Variants in NALF1 observed in about 807,000 individuals in gnomAD.
The protein encoded by NALF1 is NALCN channel auxiliary factor 1.
NALF1 carries 3 observed loss-of-function variants against 48.4 expected under a neutral mutation model. The observed-to-expected ratio is 0.06, with a 90% CI of 0.03 to 0.16. The LOEUF (loss-of-function observed/expected upper bound fraction) is 0.16. Ranked by LOEUF, NALF1 falls within the 10% of genes least tolerant of loss-of-function variation. NALF1 has a pLI of 1.00. For synonymous variants in NALF1, 262 were observed against 245.7 expected (o/e 1.07, Z -0.62); for missense variants, 526 against 571.5 (o/e 0.92, Z 0.81).
chr13:107,502,478 G>C (rs943533684), intron 1 of NALF1, among the ~76,000 whole-genome samples: 5 of 152,176 alleles, frequency 3.3e-5, no homozygotes, highest in Non-Finnish European at 5.9e-5. Flanking sequence ...AAACAAGTGA[G>C]AGCTATGATG....
intron 1 of NALF1, among the ~76,000 whole-genome samples, chr13:107,765,491 A>G (rs370970665): frequency 6.6e-6 from 1 of 152,216 alleles, no homozygotes; most frequent in East Asian, 1.9e-4. Context: ...TCACGATATT[A>G]TATAGCTCAG....
chr13:107,808,142 C>T (rs1476922820), intron 1 of NALF1, among the ~76,000 whole-genome samples: 7 of 151,976 alleles, frequency 4.6e-5, no homozygotes, highest in African/African-American at 1.7e-4. Flanking sequence ...CAGGCAGTTG[C>T]GGGGCCGATG....
chr13:107,827,756 C>T (rs182308428), intron 1 of NALF1, among the ~76,000 whole-genome samples: 388 of 152,228 alleles, frequency 2.5e-3, no homozygotes, highest in Non-Finnish European at 4.3e-3. Flanking sequence ...GCTTTATTTT[C>T]CACCTAAAAA....
intron 1 of NALF1, among the ~76,000 whole-genome samples, chr13:107,308,161 T>G (rs2138900495): frequency 6.6e-6 from 1 of 151,200 alleles, no homozygotes; most frequent in Non-Finnish European, 1.5e-5. Context: ...GAAATCTCAT[T>G]AAATTTCTGT....
intron 1 of NALF1, among the ~76,000 whole-genome samples, chr13:107,571,025 G>A (rs1877972708): frequency 6.6e-6 from 1 of 152,020 alleles, no homozygotes; most frequent in Non-Finnish European, 1.5e-5. Flanking sequence ...GAAATAGATG[G>A]GAAAACATTA....
At chr13:107,661,608 A>G (rs1200460588) in intron 1 of NALF1, among the ~76,000 whole-genome samples, 4 of 152,182 alleles carry the variant, frequency 2.6e-5, no homozygotes, top group African/African-American at 9.6e-5. Flanking sequence ...GACATGCCAC[A>G]TAACCTGAGG....
At chr13:107,375,120 G>T (rs1397104559) in intron 1 of NALF1, among the ~76,000 whole-genome samples, 1 of 152,090 alleles carries the variant, frequency 6.6e-6, no homozygotes, top group Admixed American at 6.6e-5. Flanking sequence ...AATAGGATAA[G>T]TATAACACAT....
chr13:107,219,078 G>A (rs535390880), intron 1 of NALF1, among the ~76,000 whole-genome samples: 23 of 152,332 alleles, frequency 1.5e-4, no homozygotes, highest in Middle Eastern at 6.8e-3. Flanking sequence ...TCATGTTAGT[G>A]ACGAAGATGG....
At chr13:107,859,297 C>A (rs1257183975) in intron 1 of NALF1, among the ~76,000 whole-genome samples, 1 of 152,156 alleles carries the variant, frequency 6.6e-6, no homozygotes, top group East Asian at 1.9e-4. Flanking sequence ...ATTGCATTCA[C>A]CCACCACACA....
At chr13:107,435,029 A>G (rs950681092) in intron 1 of NALF1, among the ~76,000 whole-genome samples, 4 of 152,126 alleles carry the variant, frequency 2.6e-5, no homozygotes, top group Admixed American at 2.6e-4. Context: ...AGGTATGTTT[A>G]AAAGATGCTT....
At chr13:107,824,748 C>T (rs1290893410) in intron 1 of NALF1, among the ~76,000 whole-genome samples, 1 of 152,220 alleles carries the variant, frequency 6.6e-6, no homozygotes, top group African/African-American at 2.4e-5. Flanking sequence ...GCAAGTGCAG[C>T]TTGTTTTTGA....
At position 107,424,060 on chromosome 13, in the gene NALF1, C is replaced by T. The variant is rs190886918; in HGVS notation, c.916-213305G>A. On this transcript the variant is annotated intron_variant, in intron 1 of 2. Transcript: ENST00000375915. ...CTACCGGGATGTTTGCTAAGTGTGA[C>T]TTTCTATTTCAATAATTTCTCCTGT... Among the ~76,000 whole-genome samples, 4 of 151,868 alleles carry T rather than the reference C, an allele frequency of 2.6e-5. No homozygotes were observed. In the East Asian group the frequency reaches 7.7e-4, roughly 29 times the overall value.
intron 1 of NALF1, among the ~76,000 whole-genome samples, chr13:107,800,447 T>C (rs558686105): frequency 2.0e-5 from 3 of 151,640 alleles, no homozygotes; most frequent in East Asian, 1.9e-4. Context: ...TAAGTTTAAA[T>C]AGAAATAAAA....
intron 1 of NALF1, among the ~76,000 whole-genome samples, chr13:107,509,375 G>A (rs987618778): frequency 8.6e-5 from 13 of 151,986 alleles, no homozygotes; most frequent in African/African-American, 2.7e-4. Context: ...TAATAACTAC[G>A]AAACCGTTGT....
intron 1 of NALF1, among the ~76,000 whole-genome samples, chr13:107,862,303 T>C (rs1043926764): frequency 1.3e-5 from 2 of 152,188 alleles, no homozygotes; most frequent in Non-Finnish European, 1.5e-5. Flanking sequence ...AGAGAAAATA[T>C]GTATTTAAGA....
intron 1 of NALF1, among the ~76,000 whole-genome samples, chr13:107,287,246 C>A (rs1881514047): frequency 6.6e-6 from 1 of 152,220 alleles, no homozygotes; most frequent in African/African-American, 2.4e-5. Flanking sequence ...TGATGAGGTA[C>A]AAACATATCC....
At chr13:107,768,834 A>C (rs911392323) in intron 1 of NALF1, among the ~76,000 whole-genome samples, 2 of 152,122 alleles carry the variant, frequency 1.3e-5, no homozygotes, top group African/African-American at 4.8e-5. Flanking sequence ...AACTCAAACA[A>C]ATTTACAAGA....
At chr13:107,567,859 A>G (rs1877860668) in intron 1 of NALF1, among the ~76,000 whole-genome samples, 1 of 152,256 alleles carries the variant, frequency 6.6e-6, no homozygotes, top group South Asian at 2.1e-4. Context: ...GAAACGTTAC[A>G]TAAATGAAAC....
chr13:107,672,022 G>T (rs1594197079), intron 1 of NALF1, among the ~76,000 whole-genome samples: 2 of 152,060 alleles, frequency 1.3e-5, no homozygotes, highest in Admixed American at 1.3e-4. Flanking sequence ...TACCTCATTG[G>T]TTCGTAAGAA....
Sources: gnomAD v4.1 joint callset for allele counts (sites outside exome capture counted in the v4.1 genomes callset) on GRCh38, gnomAD v4.1.1 for gene constraint, MANE v1.5 for transcripts, NCBI Gene and HGNC (gene_info 2026-07-23, HGNC 2026-07-21) for gene names.